The following ZCWPW1 variants were observed in gnomAD, a reference collection of about 807,000 sequenced individuals.
ZCWPW1 encodes the protein zinc finger CW-type and PWWP domain containing 1.
ZCWPW1 carries 56 observed loss-of-function variants against 81.3 expected under a neutral mutation model. The observed-to-expected ratio is 0.69, with a 90% CI of 0.56 to 0.86. The LOEUF (loss-of-function observed/expected upper bound fraction) is 0.86, where lower values mean the gene tolerates loss of function less well. Among genes scored for constraint, ZCWPW1 ranks in the 40% least tolerant of loss-of-function variants. The pLI, the probability that ZCWPW1 is intolerant of heterozygous loss-of-function variation, is 0.00. For synonymous variants in ZCWPW1, 250 were observed against 273.7 expected, an observed-to-expected ratio of 0.91 and a Z score of 0.86; for missense variants, 650 against 769.8, an observed-to-expected ratio of 0.84 and a Z score of 1.84.
chr7:100,407,346 T>G (rs996246493), intron 10 of ZCWPW1, 43 bp from the exon 11 acceptor site: 5 of 1,546,716 alleles, frequency 3.2e-6, no homozygotes, highest in Non-Finnish European at 4.4e-6. Flanking sequence ...GAGAAGGGGT[T>G]AGATGAACAG....
At chr7:100,414,355 TA>T (rs1199397666) in intron 8 of ZCWPW1, among the ~76,000 whole-genome samples, 1 of 152,216 alleles carries the variant, frequency 6.6e-6, no homozygotes, top group African/African-American at 2.4e-5. Context: ...TGTCTTTTTG[TA>T]TTATGTTTTG....
intron 12 of ZCWPW1, among the ~76,000 whole-genome samples, chr7:100,405,677 G>C (rs1300996500): frequency 6.6e-6 from 1 of 152,124 alleles, no homozygotes; most frequent in East Asian, 1.9e-4. Flanking sequence ...TGTCACCCAG[G>C]CTGGAGTGCA....
At chr7:100,402,482 T>C in intron 16 of ZCWPW1, 34 bp downstream of exon 16, 2 of 1,611,382 alleles carry the variant, frequency 1.2e-6, no homozygotes, top group Non-Finnish European at 1.7e-6. Context: ...GCCTTAACTG[T>C]GGGTTGTGCT....
chr7:100,409,613 C>T, intron 8 of ZCWPW1, 69 bp from the exon 9 acceptor site: 1 of 1,133,910 alleles, frequency 8.8e-7, no homozygotes, highest in Non-Finnish European at 1.3e-6. Flanking sequence ...CAACTAAAAT[C>T]AGGATAACCC....
intron 1 of ZCWPW1, among the ~76,000 whole-genome samples, chr7:100,427,221 C>T (rs1402598341): frequency 1.4e-5 from 1 of 73,572 alleles, no homozygotes; most frequent in Non-Finnish European, 2.7e-5. Context: ...CTTCCTTCCT[C>T]CCCCTTCCCT....
chr7:100,415,944 C>A lies in ZCWPW1; in HGVS notation c.754+31G>T, dbSNP rs772824636. ...TCTGCTCTATTTCAAATTTTCAGGC[C>A]AAGTAGGTTTGCCAAACCAGCTAAA... On this transcript the variant is annotated intron_variant, in intron 8 of 17. Coordinates refer to ENST00000684423, the MANE Select transcript of ZCWPW1 (RefSeq NM_001386010.1). The A allele has an allele frequency of 1.1e-5, 18 of 1,613,318 alleles. No individual in the cohort carries two copies. In the South Asian group the frequency reaches 2.0e-4, roughly 18 times the overall value.
chr7:100,426,070 T>C (rs1190452908), intron 1 of ZCWPW1, among the ~76,000 whole-genome samples: 2 of 152,210 alleles, frequency 1.3e-5, no homozygotes, highest in African/African-American at 4.8e-5. Flanking sequence ...TGTTCCCAAA[T>C]TTCCTCTTCC....
Position 100,419,860 on chromosome 7 carries a change from T to C in ZCWPW1, c.52A>G (p.Ile18Val). 6.3e-7 allele frequency: 1 copy of C among 1,587,444 alleles called. No homozygotes were observed. ...GATTTTTGTGCAGGTGGGGCAAAGA[T>C]TCTCTTTGGTCCCTTTCCACATTCT... is the stretch of plus-strand genomic sequence containing the variant. ...KEECGKGPKR[I>V]FAPPAQKSYS... Residue 18 changes from isoleucine (I) to valine (V), a missense_variant, in exon 4 of 18, where the codon ATC becomes GTC. Transcript: ENST00000684423.
chr7:100,413,137 C>A (rs1202724501), intron 8 of ZCWPW1, among the ~76,000 whole-genome samples: 5 of 152,164 alleles, frequency 3.3e-5, no homozygotes, highest in Non-Finnish European at 5.9e-5. Context: ...ACTCCATCTC[C>A]AATTAATCAC....
chr7:100,419,529 G>C (rs1256876388), intron 4 of ZCWPW1, 101 bp downstream of exon 4: 9 of 1,505,670 alleles, frequency 6.0e-6, no homozygotes, highest in Non-Finnish European at 8.0e-6. Flanking sequence ...TGAAACTCTA[G>C]GGTGAATTTC....
chr7:100,424,529 T>C (rs553731783), intron 2 of ZCWPW1, among the ~76,000 whole-genome samples: 1 of 152,318 alleles, frequency 6.6e-6, no homozygotes, highest in African/African-American at 2.4e-5. Flanking sequence ...TGGTGCAATC[T>C]TGGCTCACTG....
rs575121239 is a variant in ZCWPW1, at chr7:100,423,942, C to T, written c.-30+1088G>A. 2.1e-4 allele frequency among the ~76,000 whole-genome samples: 32 copies of T among 151,872 alleles called. No individual in the cohort carries two copies. In the East Asian group the frequency reaches 2.1e-3, roughly 10 times the overall value. ...AAAATTAGCCGGGCGTGGTGGCGGG[C>T]GCCTGTAATCCCAGCTACTCAGGAG... On this transcript the variant is annotated intron_variant, in intron 2 of 17. Transcript: ENST00000684423.
In ZCWPW1 at chr7:100,400,877, T is replaced by G. The variant is rs745330324; in HGVS notation, c.*137A>C. The G allele has an allele frequency of 4.5e-5, 46 of 1,018,564 alleles. No homozygotes were observed. Among genetic ancestry groups the G allele is most frequent in the Non-Finnish European group, 5.9e-5 (43 of 727,432 alleles). The allele number at this position is 1,018,564 out of a possible 1,614,324, so 63.1% of individuals were successfully genotyped here. The stretch of plus-strand genomic sequence containing the variant: ...TTAGAGACCAGCCAACCCAGTCGAC[T>G]GTAACCTGCTTTATTAACACAGAAA... On this transcript the variant is annotated 3_prime_UTR_variant, in exon 18 of 18. Coordinates refer to ENST00000684423, the MANE Select transcript of ZCWPW1 (RefSeq NM_001386010.1).
chr7:100,404,519 C>G (rs568349498), intron 13 of ZCWPW1, among the ~76,000 whole-genome samples: 61 of 152,146 alleles, frequency 4.0e-4, no homozygotes, highest in African/African-American at 1.4e-3. Flanking sequence ...CACCACCATG[C>G]CTGGCTAATT....
Position 100,419,726 on chromosome 7 carries a change from C to G in ZCWPW1, c.186G>C (p.Lys62Asn). The change falls in exon 4 of 18, where the codon AAG becomes AAC. Residue 62 changes from lysine to asparagine, a missense_variant. Physicochemically the swap from Lys to Asn is moderately conservative, Grantham distance 94. Coordinates refer to ENST00000684423, the MANE Select transcript of ZCWPW1 (RefSeq NM_001386010.1). ...TCTTCATGGTTGCTTTTTCCTCTTT[C>G]TTCTTTAAACTGGCCTTTGGCAGGC... ...RISLPKASLK[K>N]KEEKATMKNV... 1 of 1,613,956 alleles carries G rather than the reference C, an allele frequency of 6.2e-7. No individual in the cohort carries two copies. The highest frequency in any genetic ancestry group is 8.5e-7 in the Non-Finnish European group (1 of 1,179,990).
intron 2 of ZCWPW1, among the ~76,000 whole-genome samples, chr7:100,421,630 G>C (rs1796364119): frequency 6.6e-6 from 1 of 152,038 alleles, no homozygotes; most frequent in African/African-American, 2.4e-5. Context: ...AATTAAATTA[G>C]TGCCTTGATA....
Position 100,405,013 on chromosome 7 carries a change from C to A in ZCWPW1, c.1254G>T (p.Gln418His), listed in dbSNP as rs1219182594. Residue 418 changes from glutamine to histidine, a missense_variant and splice_region_variant, in exon 13 of 18, where the codon CAG (glutamine) becomes CAT (histidine). Coordinates refer to ENST00000684423, the MANE Select transcript of ZCWPW1 (RefSeq NM_001386010.1). Reference sequence around the variant, plus strand: ...GGGTGTGGTCTGAACACCCTCCCACCTGAATGCTGATCTGTTCTGCCTCTT... The same window carrying A: ...GGGTGTGGTCTGAACACCCTCCCACATGAATGCTGATCTGTTCTGCCTCTT... Reference protein sequence around the residue: ...MAQEAEQISIQERVNLFGFWS... With the variant: ...MAQEAEQISIHERVNLFGFWS... The A allele has an allele frequency of 2.5e-6, 4 of 1,613,292 alleles. No individual in the cohort carries two copies. Among genetic ancestry groups the A allele is most frequent in the Non-Finnish European group, 3.4e-6 (4 of 1,179,638 alleles).
At chr7:100,426,555 TTTGCA>T (rs1161911499) in intron 1 of ZCWPW1, among the ~76,000 whole-genome samples, 1 of 152,024 alleles carries the variant, frequency 6.6e-6, no homozygotes, top group African/African-American at 2.4e-5. Flanking sequence ...GATCTTCCTT[TTTGCA>T]TTAATAACAG....
Position 100,403,639 on chromosome 7 carries a change from C to G in ZCWPW1, c.1413+55G>C, listed in dbSNP as rs540608526. 7 of 1,503,272 alleles carry G rather than the reference C, an allele frequency of 4.7e-6. No individual in the cohort carries two copies. In the East Asian group the frequency reaches 1.7e-4, roughly 37 times the overall value. 93.1% of individuals were successfully genotyped at this position (1,503,272 alleles called of 1,614,324 possible). A position where few individuals can be genotyped will look rare whatever the true frequency, so the allele number is the denominator to read the frequency against. On this transcript the variant is annotated intron_variant, in intron 15 of 17. Coordinates refer to ENST00000684423, the MANE Select transcript of ZCWPW1 (RefSeq NM_001386010.1). Reference sequence around the variant, plus strand: ...AGGAGTTTGAGACCAGCCTGGGCAACCTGGTGAAACTCCATCTCTATAAAA... The same window carrying G: ...AGGAGTTTGAGACCAGCCTGGGCAAGCTGGTGAAACTCCATCTCTATAAAA...
Sources: allele counts gnomAD v4.1 joint callset (sites outside exome capture counted in the v4.1 genomes callset), GRCh38; gene constraint gnomAD v4.1.1; transcripts MANE v1.5; gene names NCBI Gene and HGNC (gene_info 2026-07-23, HGNC 2026-07-21).